The following NRG3 variants were observed in gnomAD, a reference collection of about 807,000 sequenced individuals.
NRG3 encodes the protein neuregulin 3.
A neutral mutation model predicts 66.9 loss-of-function variants in NRG3; 31 were observed. That is an observed-to-expected ratio of 0.46 (90% CI 0.35 to 0.63). The LOEUF is 0.63. NRG3 is among the 20% of genes least tolerant of loss of function. The probability of loss-of-function intolerance (pLI) is 0.00; values close to 1 mark genes in which losing one functional copy is unlikely to be tolerated. For missense variants in NRG3, 910 were observed against 878.9 expected (o/e 1.04, Z -0.45); for synonymous variants, 393 against 359.4 (o/e 1.09, Z -1.06).
rs1011153514 is a variant in NRG3, at chr10:82,710,417, C to A, written c.954-28160C>A. ...CCTGCCCAACATGGTAAAACCAAGT[C>A]TCTACCAAAATTACAAAAATTAGCC... On this transcript the variant is annotated intron_variant, in intron 2 of 8. Coordinates refer to ENST00000372141, the MANE Select transcript of NRG3 (RefSeq NM_001010848.4). 1.5e-4 allele frequency among the ~76,000 whole-genome samples: 23 copies of A among 152,014 alleles called. 1 individual carries two copies. The highest frequency in any genetic ancestry group is 5.5e-4 in the African/African-American group (23 of 41,462).
chr10:81,923,484 C>T (rs1296448638), intron 1 of NRG3, among the ~76,000 whole-genome samples: 1 of 152,202 alleles, frequency 6.6e-6, no homozygotes, highest in South Asian at 2.1e-4. Flanking sequence ...GGATTACAGG[C>T]GTGAGCCACC....
chr10:81,878,896 G>A (rs190612663), intron 1 of NRG3, among the ~76,000 whole-genome samples: 81 of 152,298 alleles, frequency 5.3e-4, no homozygotes, highest in Admixed American at 1.6e-3. Flanking sequence ...TAAGGATCCT[G>A]TCTCTTTGGA....
chr10:82,818,622 G>A (rs1219845980), intron 3 of NRG3, among the ~76,000 whole-genome samples: 2 of 152,144 alleles, frequency 1.3e-5, no homozygotes, highest in East Asian at 3.9e-4. Flanking sequence ...GGGTGGGGGA[G>A]TCTTTCTTTT....
intron 2 of NRG3, among the ~76,000 whole-genome samples, chr10:82,620,096 G>T (rs114713384): frequency 6.6e-6 from 1 of 152,280 alleles, no homozygotes; most frequent in African/African-American, 2.4e-5. Flanking sequence ...ACCCTGAGGC[G>T]ATGGTGCCTA....
intron 1 of NRG3, among the ~76,000 whole-genome samples, chr10:82,152,344 G>A (rs1192249943): frequency 6.6e-6 from 1 of 152,100 alleles, no homozygotes; most frequent in South Asian, 2.1e-4. Flanking sequence ...AAATTTAATT[G>A]ACCTATCCAT....
chr10:82,742,031 G>A (rs112014205), intron 3 of NRG3, among the ~76,000 whole-genome samples: 4 of 152,030 alleles, frequency 2.6e-5, no homozygotes, highest in African/African-American at 9.6e-5. Flanking sequence ...TGTATGCTCA[G>A]GAAATAAGCT....
At chr10:82,105,955 T>G (rs1311650734) in intron 1 of NRG3, among the ~76,000 whole-genome samples, 2 of 152,206 alleles carry the variant, frequency 1.3e-5, no homozygotes, top group Admixed American at 1.3e-4. Context: ...GGTGACTGAT[T>G]CCATGCATCC....
intron 1 of NRG3, among the ~76,000 whole-genome samples, chr10:82,045,804 GCAC>G (rs1189165589): frequency 1.1e-5 from 1 of 90,556 alleles, no homozygotes; most frequent in African/African-American, 4.0e-5. Flanking sequence ...AGTTTTCCCA[GCAC>G]CATTTATTAA....
intron 1 of NRG3, among the ~76,000 whole-genome samples, chr10:81,923,304 C>T (rs1846435021): frequency 1.3e-5 from 2 of 152,158 alleles, no homozygotes; most frequent in South Asian, 4.1e-4. Context: ...CTCCCGGGTT[C>T]ACGCCATTCT....
At chr10:82,870,427 T>C (rs1841230854) in intron 4 of NRG3, among the ~76,000 whole-genome samples, 1 of 152,228 alleles carries the variant, frequency 6.6e-6, no homozygotes, top group Non-Finnish European at 1.5e-5. Flanking sequence ...AAATAAATTT[T>C]CAACTTTTTG....
At chr10:82,395,088 C>T (rs1002567494) in intron 2 of NRG3, among the ~76,000 whole-genome samples, 1 of 152,148 alleles carries the variant, frequency 6.6e-6, no homozygotes, top group African/African-American at 2.4e-5. Context: ...GAATTGCTTT[C>T]TCAGTTTCTG....
At chr10:82,781,725 T>C (rs577584368) in intron 3 of NRG3, among the ~76,000 whole-genome samples, 1 of 152,224 alleles carries the variant, frequency 6.6e-6, no homozygotes, top group East Asian at 1.9e-4. Context: ...ACTTTCTCCA[T>C]ATTTGAACTC....
intron 2 of NRG3, among the ~76,000 whole-genome samples, chr10:82,537,256 G>A (rs979610333): frequency 1.3e-5 from 2 of 151,958 alleles, no homozygotes; most frequent in Non-Finnish European, 2.9e-5. Context: ...ATTTACAAAT[G>A]GTAACATTTA....
intron 2 of NRG3, among the ~76,000 whole-genome samples, chr10:82,529,220 ACT>A (rs1847021259): frequency 6.6e-6 from 1 of 152,168 alleles, no homozygotes; most frequent in African/African-American, 2.4e-5. Flanking sequence ...AGGACTGCTA[ACT>A]CTGTGGCTTC....
intron 1 of NRG3, among the ~76,000 whole-genome samples, chr10:82,048,893 T>C (rs577790778): frequency 3.0e-4 from 46 of 151,264 alleles, no homozygotes; most frequent in African/African-American, 9.9e-4. Context: ...ATCAAATAGA[T>C]GCAATAAAAA....
chr10:82,023,998 G>A lies in NRG3; in HGVS notation c.823+147835G>A, dbSNP rs1014862982. Among the ~76,000 whole-genome samples, 6 of 152,148 alleles carry A rather than the reference G, an allele frequency of 3.9e-5. No homozygotes were observed. The East Asian group carries it at 7.7e-4, about 20-fold the overall frequency. On this transcript the variant is annotated intron_variant, in intron 1 of 8. Coordinates refer to ENST00000372141, the MANE Select transcript of NRG3 (RefSeq NM_001010848.4). ...CAGGTCTTGGGCTTTTCTTTGATGT[G>A]AGACTTTTAATTGTAGCTTCACTCT...
rs78253874 is a variant in NRG3 at position 81,945,433 on chromosome 10, A to G, written c.823+69270A>G. Among the ~76,000 whole-genome samples, 831 of 152,270 alleles carry G rather than the reference A, an allele frequency of 5.5e-3. 13 individuals are homozygous for G. The highest frequency in any genetic ancestry group is 0.019 in the African/African-American group (789 of 41,556). On this transcript the variant is annotated intron_variant, in intron 1 of 8. Transcript: ENST00000372141. Reference sequence around the variant, plus strand: ...AAGAAAAGTTGTAAGAGCCTTAACCATAACACTGAGTTACATTTTGTCTTC... The same window carrying G: ...AAGAAAAGTTGTAAGAGCCTTAACCGTAACACTGAGTTACATTTTGTCTTC...
chr10:82,252,003 C>T (rs1000279249), intron 1 of NRG3, among the ~76,000 whole-genome samples: 12 of 152,200 alleles, frequency 7.9e-5, no homozygotes, highest in African/African-American at 2.2e-4. Flanking sequence ...TGGAAGGCAT[C>T]GCCCCCACCC....
intron 2 of NRG3, among the ~76,000 whole-genome samples, chr10:82,704,929 G>A (rs2484452): frequency 0.57 from 86,171 of 152,004 alleles, 27,093 homozygotes; most frequent in East Asian, 0.73. Flanking sequence ...CAAGAAGGCA[G>A]GTTGGACACA....
Sources: gnomAD v4.1 joint callset for allele counts (sites outside exome capture counted in the v4.1 genomes callset) on GRCh38, gnomAD v4.1.1 for gene constraint, MANE v1.5 for transcripts, NCBI Gene and HGNC (gene_info 2026-07-23, HGNC 2026-07-21) for gene names.